CNTNAP5: variants seen among roughly 807,000 people sequenced by gnomAD.
The protein encoded by CNTNAP5 is contactin-associated protein-like 5.
CNTNAP5 carries 72 observed loss-of-function variants against 150.2 expected under a neutral mutation model. That is an observed-to-expected ratio of 0.48 (90% CI 0.40 to 0.58). The LOEUF (loss-of-function observed/expected upper bound fraction) is 0.58, where lower values mean the gene tolerates loss of function less well. Among genes scored for constraint, CNTNAP5 ranks in the 20% least tolerant of loss-of-function variants. The pLI, the probability that CNTNAP5 is intolerant of heterozygous loss-of-function variation, is 0.00. For missense variants in CNTNAP5, 1,636 were observed against 1,626.2 expected (o/e 1.01, Z -0.10); for synonymous variants, 672 against 619.8 (o/e 1.08, Z -1.25).
chr2:124,078,953 G>A (rs1277975445), intron 1 of CNTNAP5, among the ~76,000 whole-genome samples: 1 of 152,178 alleles, frequency 6.6e-6, no homozygotes, highest in African/African-American at 2.4e-5. Flanking sequence ...GGAAGCAGGG[G>A]TGATTACATC....
intron 11 of CNTNAP5, among the ~76,000 whole-genome samples, chr2:124,569,135 A>G (rs911479149): frequency 7.2e-5 from 11 of 152,168 alleles, no homozygotes; most frequent in Non-Finnish European, 1.5e-4. Context: ...TGCTTTATTG[A>G]GTAAAAAGTT....
chr2:124,196,533 T>C (rs1573827356), intron 1 of CNTNAP5, among the ~76,000 whole-genome samples: 1 of 152,178 alleles, frequency 6.6e-6, no homozygotes, highest in South Asian at 2.1e-4. Context: ...GATAGTACAC[T>C]CATTATCCCA....
At chr2:124,249,490 C>T (rs1005187836) in intron 3 of CNTNAP5, among the ~76,000 whole-genome samples, 3 of 152,184 alleles carry the variant, frequency 2.0e-5, no homozygotes, top group African/African-American at 4.8e-5. Context: ...CTGAACATTC[C>T]TTTCCATTAA....
chr2:124,060,693 A>G (rs977388039), intron 1 of CNTNAP5, among the ~76,000 whole-genome samples: 1 of 152,198 alleles, frequency 6.6e-6, no homozygotes, highest in African/African-American at 2.4e-5. Context: ...CAGAACAAGC[A>G]TTTCTTACAG....
chr2:124,124,187 C>T (rs1268770012), intron 1 of CNTNAP5, among the ~76,000 whole-genome samples: 3 of 152,022 alleles, frequency 2.0e-5, no homozygotes, highest in Non-Finnish European at 4.4e-5. Flanking sequence ...GAATGGCTAA[C>T]TAAAATAAAC....
intron 19 of CNTNAP5, among the ~76,000 whole-genome samples, chr2:124,821,515 A>G (rs554347342): frequency 6.6e-6 from 1 of 152,216 alleles, no homozygotes; most frequent in African/African-American, 2.4e-5. Context: ...AGTGTTGAGG[A>G]TGTTGATCCT....
chr2:124,315,731 A>G (rs963823619), intron 3 of CNTNAP5, among the ~76,000 whole-genome samples: 12 of 152,166 alleles, frequency 7.9e-5, no homozygotes, highest in Admixed American at 7.9e-4. Flanking sequence ...TTGGCTCCGC[A>G]TGAAAGTACA....
intron 12 of CNTNAP5, among the ~76,000 whole-genome samples, chr2:124,631,840 T>A (rs1399944995): frequency 6.6e-6 from 1 of 152,084 alleles, no homozygotes; most frequent in African/African-American, 2.4e-5. Flanking sequence ...AGGTCTAATA[T>A]CCAGAATCTA....
intron 7 of CNTNAP5, among the ~76,000 whole-genome samples, chr2:124,475,487 G>A (rs984985838): frequency 3.3e-5 from 5 of 152,022 alleles, no homozygotes; most frequent in African/African-American, 9.7e-5. Context: ...CTCAATAAAC[G>A]TGTTGATGTT....
At chr2:124,754,505 A>G (rs1258430025) in intron 14 of CNTNAP5, among the ~76,000 whole-genome samples, 1 of 152,044 alleles carries the variant, frequency 6.6e-6, no homozygotes, top group African/African-American at 2.4e-5. Flanking sequence ...TGGGTCCTCC[A>G]TGCCTTAACT....
intron 3 of CNTNAP5, among the ~76,000 whole-genome samples, chr2:124,295,525 G>C (rs1200984973): frequency 1.3e-5 from 2 of 152,258 alleles, no homozygotes; most frequent in Non-Finnish European, 2.9e-5. Context: ...AGGTCTGGGA[G>C]ACAAAATTGA....
rs1444992884 is a variant in CNTNAP5 at position 124,697,694 on chromosome 2, G to A, written c.2078-49535G>A. On this transcript the variant is annotated intron_variant, in intron 13 of 23. Coordinates refer to ENST00000682447, the MANE Select transcript of CNTNAP5 (RefSeq NM_001367498.1). ...CTTCACTAGAGACTTCTTCATGCAG[G>A]AGTGCCCTCCGGAGTGCAGACGCTG... Among the ~76,000 whole-genome samples, 4 of 151,770 alleles carry A rather than the reference G, an allele frequency of 2.6e-5. No individual in the cohort carries two copies. The East Asian group carries it at 7.8e-4, about 29-fold the overall frequency.
chr2:124,873,673 GTAGGGA>G (rs1423890059), intron 21 of CNTNAP5, among the ~76,000 whole-genome samples: 3 of 152,098 alleles, frequency 2.0e-5, no homozygotes, highest in Non-Finnish European at 4.4e-5. Context: ...ATAGAGTAAA[GTAGGGA>G]TGGAGAAAAC....
Position 124,051,487 on chromosome 2 carries a change from T to C in CNTNAP5, c.82+25755T>C, listed in dbSNP as rs374290261. On this transcript the variant is annotated intron_variant, in intron 1 of 23. Coordinates refer to ENST00000682447, the MANE Select transcript of CNTNAP5 (RefSeq NM_001367498.1). Reference sequence around the variant, plus strand: ...GTTGTGTCTAGTGCTGTGCTAGGAATTATAGACATTAAAAATGGCATATGA... The same window carrying C: ...GTTGTGTCTAGTGCTGTGCTAGGAACTATAGACATTAAAAATGGCATATGA... Among the ~76,000 whole-genome samples the C allele has an allele frequency of 1.8e-4, 28 of 152,322 alleles. 2 individuals are homozygous for C. In the South Asian group the frequency reaches 5.8e-3, roughly 32 times the overall value.
intron 1 of CNTNAP5, among the ~76,000 whole-genome samples, chr2:124,104,445 T>A (rs1031835196): frequency 1.1e-4 from 16 of 152,174 alleles, no homozygotes; most frequent in Non-Finnish European, 1.0e-4. Context: ...GATAGAGCAG[T>A]GATCATCTGG....
rs143600207 is a variant in CNTNAP5 at position 124,203,159 on chromosome 2, C to T, written c.83-18546C>T. On this transcript the variant is annotated intron_variant, in intron 1 of 23. Coordinates refer to ENST00000682447, the MANE Select transcript of CNTNAP5 (RefSeq NM_001367498.1). ...TGCAAATGGAAGACATTGGCCAAAA[C>T]GAAGGGGTTACAGGCCCCATGCAAG... is the stretch of plus-strand genomic sequence containing the variant. Among the ~76,000 whole-genome samples the T allele has an allele frequency of 6.6e-4, 101 of 152,182 alleles. 2 individuals are homozygous for T. In the East Asian group the frequency reaches 0.017, roughly 25 times the overall value.
chr2:124,196,405 C>G (rs1242542507), intron 1 of CNTNAP5, among the ~76,000 whole-genome samples: 1 of 152,004 alleles, frequency 6.6e-6, no homozygotes, highest in Non-Finnish European at 1.5e-5. Flanking sequence ...GGTTAAATGC[C>G]CAATTTCAAA....
In CNTNAP5 at chr2:124,760,498, C is replaced by G. The variant is rs544809323; in HGVS notation, c.2235-3174C>G. Among the ~76,000 whole-genome samples, 51 of 151,878 alleles carry G rather than the reference C, an allele frequency of 3.4e-4. 1 individual carries two copies. The highest frequency in any genetic ancestry group is 2.8e-3 in the Admixed American group (42 of 15,230). On this transcript the variant is annotated intron_variant, in intron 14 of 23. Coordinates refer to ENST00000682447, the MANE Select transcript of CNTNAP5 (RefSeq NM_001367498.1). The stretch of plus-strand genomic sequence containing the variant: ...CTGCCACTCTAAATTTGGTGAAATA[C>G]CAAAATTCAGATATTTAAACTTAGA...
intron 3 of CNTNAP5, among the ~76,000 whole-genome samples, chr2:124,306,023 C>G (rs7591862): frequency 0.2 from 30,203 of 152,078 alleles, 3,126 homozygotes; most frequent in East Asian, 0.35. Flanking sequence ...GTTCTTTGCA[C>G]TCTTCCTGCT....
Sources: allele counts gnomAD v4.1 joint callset (sites outside exome capture counted in the v4.1 genomes callset), GRCh38; gene constraint gnomAD v4.1.1; transcripts MANE v1.5; gene names NCBI Gene and HGNC (gene_info 2026-07-23, HGNC 2026-07-21).